The following PATL2 variants were observed in gnomAD, a reference collection of about 807,000 sequenced individuals.
The protein encoded by PATL2 is PAT1 homolog 2.
Under a neutral mutation model 77.0 loss-of-function variants are expected in PATL2, and 73 were observed. The ratio of observed to expected loss-of-function variants is 0.95; its 90% CI spans 0.78 to 1.15. The LOEUF is 1.15. PATL2 is among the 50% of genes most tolerant of loss of function. The pLI is 0.00. For synonymous variants in PATL2, 265 were observed against 257.1 expected (o/e 1.03, Z -0.29); for missense variants, 618 against 655.4 (o/e 0.94, Z 0.62).
chr15:44,678,618 T>C (rs1404769467), intron 3 of PATL2, among the ~76,000 whole-genome samples: 2 of 152,116 alleles, frequency 1.3e-5, no homozygotes, highest in African/African-American at 4.8e-5. Flanking sequence ...TCTTCTAGAA[T>C]AAGAAGTACA....
At chr15:44,670,722 A>T (rs1327953502) in intron 9 of PATL2, among the ~76,000 whole-genome samples, 1 of 152,178 alleles carries the variant, frequency 6.6e-6, no homozygotes, top group African/African-American at 2.4e-5. Context: ...AGCGTCTGTA[A>T]CCTTCCTGCA....
intron 3 of PATL2, among the ~76,000 whole-genome samples, chr15:44,693,558 G>T (rs7173921): frequency 0.051 from 7,690 of 152,184 alleles, 587 homozygotes; most frequent in African/African-American, 0.16. Flanking sequence ...AATCTCCTTT[G>T]TAAAAGGTCC....
intron 7 of PATL2, 38 bp from the exon 8 acceptor site, chr15:44,672,494 GCT>G: frequency 2.6e-6 from 4 of 1,525,968 alleles, no homozygotes; most frequent in Non-Finnish European, 1.8e-6. Flanking sequence ...GTGGAAGGAA[GCT>G]CTCAGTTCTC....
intron 3 of PATL2, among the ~76,000 whole-genome samples, chr15:44,686,738 A>T (rs953708074): frequency 6.6e-6 from 1 of 152,236 alleles, no homozygotes; most frequent in Non-Finnish European, 1.5e-5. Context: ...CACTGATCCC[A>T]CAGAAATACA....
chr15:44,668,396 C>T lies in PATL2; in HGVS notation c.1311G>A (p.Thr437=), dbSNP rs776226345. The change falls in exon 15 of 18, where the codon ACG becomes ACA. Residue 437 remains threonine, a synonymous_variant. Coordinates refer to ENST00000682850, the MANE Select transcript of PATL2 (RefSeq NM_001387263.1). ...GCTCTGAGGAGCCAGGTGGCAACAGCGTTAATCCCTGAAGTCCTTGGAGGA... is the reference window on the plus strand; with the variant it reads ...GCTCTGAGGAGCCAGGTGGCAACAGTGTTAATCCCTGAAGTCCTTGGAGGA... The part of the protein sequence containing the change: ...HELLQGLQGL[T]LLPPGSSERP... 4.5e-6 allele frequency: 7 copies of T among 1,551,248 alleles called. No individual in the cohort carries two copies. Among genetic ancestry groups the T allele is most frequent in the Middle Eastern group, 1.8e-4 (1 of 5,658 alleles).
intron 5 of PATL2, 80 bp downstream of exon 5, chr15:44,675,406 A>G: frequency 7.0e-7 from 1 of 1,424,838 alleles, no homozygotes; most frequent in Non-Finnish European, 9.4e-7. Flanking sequence ...GGTAGAAAAG[A>G]GAAGAGGAAT....
intron 3 of PATL2, among the ~76,000 whole-genome samples, chr15:44,701,454 G>A (rs1030674862): frequency 1.3e-5 from 2 of 151,936 alleles, no homozygotes; most frequent in African/African-American, 4.8e-5. Context: ...CCAGCAGTTT[G>A]GGAGGCTGAG....
At chr15:44,666,633 C>T in intron 16 of PATL2, 92 bp from the exon 17 acceptor site, 2 of 1,291,668 alleles carry the variant, frequency 1.5e-6, no homozygotes, top group East Asian at 5.1e-5. Flanking sequence ...GTTACTACTA[C>T]CATTGTCCCC....
chr15:44,684,263 A>C (rs1408275841), intron 3 of PATL2, among the ~76,000 whole-genome samples: 2 of 152,136 alleles, frequency 1.3e-5, no homozygotes, highest in African/African-American at 2.4e-5. Flanking sequence ...AATTGACAGA[A>C]GAGGCTTCAG....
At chr15:44,684,480 C>T (rs569421377) in intron 3 of PATL2, among the ~76,000 whole-genome samples, 8 of 150,154 alleles carry the variant, frequency 5.3e-5, no homozygotes, top group East Asian at 2.0e-4. Context: ...ATTGATCAAG[C>T]AGAAGAAGGA....
In PATL2 at chr15:44,673,240, C is replaced by T; in HGVS notation, c.441G>A (p.Arg147=). ...FCSLLTSWPP[R]FSHLTQLHPR... is the part of the protein sequence containing the mutation. ...GGAGAACCTCAAACCAGTACCTGAA[C>T]CTAGGGGGCCACGAGGTCAGCAGGC... Residue 147 remains arginine, a synonymous_variant, in exon 7 of 18, where the codon AGG becomes AGA. Coordinates refer to ENST00000682850, the MANE Select transcript of PATL2 (RefSeq NM_001387263.1). 2 of 1,551,384 alleles carry T rather than the reference C, an allele frequency of 1.3e-6. No individual in the cohort carries two copies. The highest frequency in any genetic ancestry group is 1.2e-5 in the South Asian group (1 of 84,046).
At chr15:44,686,948 G>T (rs2086272041) in intron 3 of PATL2, among the ~76,000 whole-genome samples, 1 of 152,142 alleles carries the variant, frequency 6.6e-6, no homozygotes, top group South Asian at 2.1e-4. Flanking sequence ...GGACCAGATG[G>T]ACTCACAGCT....
chr15:44,697,626 C>A (rs2086535984), intron 3 of PATL2, among the ~76,000 whole-genome samples: 1 of 152,070 alleles, frequency 6.6e-6, no homozygotes, highest in Non-Finnish European at 1.5e-5. Flanking sequence ...TAGCTACATC[C>A]CCCTCACCTT....
intron 2 of PATL2, among the ~76,000 whole-genome samples, 119 bp from the exon 3 acceptor site, chr15:44,710,333 T>C (rs1454611205): frequency 6.6e-6 from 1 of 152,230 alleles, no homozygotes; most frequent in Non-Finnish European, 1.5e-5. Flanking sequence ...CCCATCGCCA[T>C]GGTCCACTTC....
intron 9 of PATL2, 75 bp from the exon 10 acceptor site, chr15:44,670,162 T>G (rs1002608646): frequency 1.3e-6 from 2 of 1,519,648 alleles, no homozygotes; most frequent in African/African-American, 1.4e-5. Context: ...ATTAAGTTTC[T>G]CAAGTGCAGC....
chr15:44,672,935 T>G (rs2085762862), intron 7 of PATL2, among the ~76,000 whole-genome samples: 1 of 152,090 alleles, frequency 6.6e-6, no homozygotes, highest in Non-Finnish European at 1.5e-5. Flanking sequence ...AATTTTTGTA[T>G]ATTTAGTGGA....
intron 9 of PATL2, 45 bp downstream of exon 9, chr15:44,671,970 A>G (rs180709551): frequency 0.013 from 20,550 of 1,548,064 alleles, 206 homozygotes; most frequent in Non-Finnish European, 0.014. Context: ...GTCCAGGCCC[A>G]TTTGACCCAA....
Position 44,667,185 on chromosome 15 carries a change from A to G in PATL2, c.1384T>C (p.Tyr462His). Residue 462 changes from tyrosine to histidine, a missense_variant, in exon 16 of 18, where the codon TAT becomes CAT. Coordinates refer to ENST00000682850, the MANE Select transcript of PATL2 (RefSeq NM_001387263.1). ...TGCTCCCCATGGCTCAGCAGGGCATAGAGCAAAGATATTCCAAACTGCAAG... is the reference window on the plus strand; with the variant it reads ...TGCTCCCCATGGCTCAGCAGGGCATGGAGCAAAGATATTCCAAACTGCAAG... ...LQNQFGISLL[Y>H]ALLSHGEQLV... 2 of 1,551,682 alleles carry G rather than the reference A, an allele frequency of 1.3e-6. No homozygotes were observed. The highest frequency in any genetic ancestry group is 1.7e-6 in the Non-Finnish European group (2 of 1,146,946).
At chr15:44,690,100 A>G (rs1333412669) in intron 3 of PATL2, among the ~76,000 whole-genome samples, 1 of 152,076 alleles carries the variant, frequency 6.6e-6, no homozygotes, top group Non-Finnish European at 1.5e-5. Context: ...GAGGCAGGAG[A>G]ATCGCTTGAA....
Sources: gnomAD v4.1 joint callset for allele counts (sites outside exome capture counted in the v4.1 genomes callset) on GRCh38, gnomAD v4.1.1 for gene constraint, MANE v1.5 for transcripts, NCBI Gene and HGNC (gene_info 2026-07-23, HGNC 2026-07-21) for gene names.